Variants in ACSS3 observed in about 807,000 individuals in gnomAD.
The protein encoded by ACSS3 is acyl-CoA synthetase short chain family member 3, also known as acyl-CoA synthetase short-chain family member 3, mitochondrial.
In ACSS3, 64 loss-of-function variants were observed where a neutral mutation model predicts 84.2. That is an observed-to-expected ratio of 0.76 (90% confidence interval 0.62 to 0.94). The LOEUF (loss-of-function observed/expected upper bound fraction) is 0.94, where lower values mean the gene tolerates loss of function less well. ACSS3 is among the 40% of genes least tolerant of loss of function. ACSS3 has a pLI of 0.00. For missense variants in ACSS3, 815 were observed against 867.6 expected (o/e 0.94, Z 0.76); for synonymous variants, 317 against 310.1 (o/e 1.02, Z -0.23).
intron 8 of ACSS3, among the ~76,000 whole-genome samples, chr12:81,179,840 G>A (rs1483590176): frequency 1.3e-5 from 2 of 148,372 alleles, no homozygotes; most frequent in Non-Finnish European, 3.0e-5. Context: ...ATTGTATAAA[G>A]AAATACCTGA....
chr12:81,180,068 T>C (rs1478290626), intron 8 of ACSS3, among the ~76,000 whole-genome samples: 1 of 152,200 alleles, frequency 6.6e-6, no homozygotes, highest in Non-Finnish European at 1.5e-5. Flanking sequence ...AAGAGTATCA[T>C]GGCCTTCATG....
At chr12:81,148,000 A>G (rs1292755338) in intron 5 of ACSS3, among the ~76,000 whole-genome samples, 3 of 148,808 alleles carry the variant, frequency 2.0e-5, no homozygotes, top group African/African-American at 7.8e-5. Context: ...TAGACATTTT[A>G]CATATGTAAA....
At chr12:81,202,536 A>G (rs528889862) in intron 9 of ACSS3, among the ~76,000 whole-genome samples, 1 of 152,314 alleles carries the variant, frequency 6.6e-6, no homozygotes, top group Admixed American at 6.5e-5. Context: ...GTTTAAGAGA[A>G]GGTTAGCTTT....
chr12:81,120,754 A>G (rs1884521096), intron 2 of ACSS3, among the ~76,000 whole-genome samples: 1 of 152,202 alleles, frequency 6.6e-6, no homozygotes, highest in Non-Finnish European at 1.5e-5. Flanking sequence ...ATAAATCAAT[A>G]TAGGTTGCAT....
chr12:81,253,271 AAATGTATTCTAAATG>A, intron 13 of ACSS3, 21 bp from the exon 14 acceptor site: 1 of 1,559,804 alleles, frequency 6.4e-7, no homozygotes, highest in Non-Finnish European at 8.8e-7. Context: ...TATGGTAAAT[AAATGTATTCTAAATG>A]AATGCCTTTC....
chr12:81,136,105 G>A (rs1413041640), intron 3 of ACSS3, among the ~76,000 whole-genome samples: 4 of 152,218 alleles, frequency 2.6e-5, no homozygotes, highest in Admixed American at 2.0e-4. Flanking sequence ...CTTCCAGGAA[G>A]TATATATGTT....
intron 13 of ACSS3, among the ~76,000 whole-genome samples, chr12:81,241,285 G>A (rs1227420290): frequency 6.6e-6 from 1 of 151,954 alleles, no homozygotes; most frequent in East Asian, 1.9e-4. Flanking sequence ...GAATAGTGCT[G>A]CAGTAAACAT....
chr12:81,247,852 G>T (rs2034032721), intron 13 of ACSS3, among the ~76,000 whole-genome samples: 1 of 152,028 alleles, frequency 6.6e-6, no homozygotes, highest in African/African-American at 2.4e-5. Context: ...GGTTGCCAGT[G>T]GTGAATACCA....
At chr12:81,133,902 A>G (rs1349716449) in intron 2 of ACSS3, among the ~76,000 whole-genome samples, 1 of 152,098 alleles carries the variant, frequency 6.6e-6, no homozygotes, top group Non-Finnish European at 1.5e-5. Context: ...TGAACTACTT[A>G]TTCATTAAGA....
At chr12:81,097,969 G>GA (rs113773106) in intron 1 of ACSS3, among the ~76,000 whole-genome samples, 7,988 of 148,550 alleles carry the variant, frequency 0.054, 327 homozygotes, top group African/African-American at 0.11. Flanking sequence ...TATTGAAGTG[G>GA]AAAAAAAAAA....
At chr12:81,164,240 A>G (rs1565699589) in intron 7 of ACSS3, among the ~76,000 whole-genome samples, 1 of 152,182 alleles carries the variant, frequency 6.6e-6, no homozygotes, top group African/African-American at 2.4e-5. Context: ...ACAGTTGTCT[A>G]CAGTATTCAG....
At chr12:81,206,362 G>A (rs1256656383) in intron 9 of ACSS3, among the ~76,000 whole-genome samples, 2 of 152,060 alleles carry the variant, frequency 1.3e-5, no homozygotes, top group Non-Finnish European at 2.9e-5. Context: ...GGTTACCCAG[G>A]AGATACCCTA....
chr12:81,106,052 G>C (rs141983688), intron 1 of ACSS3, among the ~76,000 whole-genome samples: 1 of 152,142 alleles, frequency 6.6e-6, no homozygotes, highest in Admixed American at 6.5e-5. Flanking sequence ...TAGATCAATG[G>C]GTTTTGAATG....
At chr12:81,225,031 A>G (rs1051195250) in intron 11 of ACSS3, among the ~76,000 whole-genome samples, 3 of 151,862 alleles carry the variant, frequency 2.0e-5, no homozygotes, top group Non-Finnish European at 2.9e-5. Flanking sequence ...TATAAATTAA[A>G]CTTTATCATA....
intron 8 of ACSS3, among the ~76,000 whole-genome samples, chr12:81,196,795 G>A (rs544510697): frequency 3.9e-5 from 6 of 152,176 alleles, no homozygotes; most frequent in African/African-American, 1.4e-4. Flanking sequence ...GAGAGGAGGT[G>A]CCTGGCTCTT....
At chr12:81,126,361 T>C (rs1885095324) in intron 2 of ACSS3, among the ~76,000 whole-genome samples, 1 of 152,212 alleles carries the variant, frequency 6.6e-6, no homozygotes, top group Admixed American at 6.5e-5. Flanking sequence ...TGTATTTTCT[T>C]TCCTTTTTAT....
Position 81,168,275 on chromosome 12 carries a change from G to A in ACSS3, c.1099-6513G>A, listed in dbSNP as rs148833622. ...GTCTTGCTTCCTCCAAGCTGTTTCT[G>A]AGACCAGTAGAAAATCTTTAAGGAG... On this transcript the variant is annotated intron_variant, in intron 7 of 15. Coordinates refer to ENST00000548058, the MANE Select transcript of ACSS3 (RefSeq NM_024560.4). Among the ~76,000 whole-genome samples, 95 of 152,288 alleles carry A rather than the reference G, an allele frequency of 6.2e-4. 1 individual carries two copies. The East Asian group carries it at 9.1e-3, about 15-fold the overall frequency.
chr12:81,144,024 A>G (rs1886210373), intron 5 of ACSS3, among the ~76,000 whole-genome samples: 1 of 152,146 alleles, frequency 6.6e-6, no homozygotes, highest in Admixed American at 6.6e-5. Context: ...TTAGTAGGGG[A>G]CGGGACTTTC....
intron 9 of ACSS3, among the ~76,000 whole-genome samples, chr12:81,211,044 AGGCT>A (rs2032570588): frequency 6.6e-6 from 1 of 151,848 alleles, no homozygotes; most frequent in South Asian, 2.1e-4. Context: ...TGGTGCTATC[AGGCT>A]ATTGAGTTCA....
Sources: allele counts gnomAD v4.1 joint callset (sites outside exome capture counted in the v4.1 genomes callset), GRCh38; gene constraint gnomAD v4.1.1; transcripts MANE v1.5; gene names NCBI Gene and HGNC (gene_info 2026-07-23, HGNC 2026-07-21).